The following REV3L variants were observed in gnomAD, a reference collection of about 807,000 sequenced individuals.
REV3L encodes DNA polymerase zeta catalytic subunit.
A neutral mutation model predicts 299.4 loss-of-function variants in REV3L; 69 were observed. That is an observed-to-expected ratio of 0.23 (90% CI 0.19 to 0.28). The LOEUF is 0.28. Ranked by LOEUF, REV3L falls within the 10% of genes least tolerant of loss-of-function variation. The probability of loss-of-function intolerance (pLI) is 1.00; values close to 1 mark genes in which losing one functional copy is unlikely to be tolerated. For synonymous variants in REV3L, 1,238 were observed against 1,271.4 expected (o/e 0.97, Z 0.56); for missense variants, 3,128 against 3,693.8 (o/e 0.85, Z 3.97).
chr6:111,430,261 G>C lies in REV3L; in HGVS notation c.140-13789C>G, dbSNP rs777222338. On this transcript the variant is annotated intron_variant, in intron 1 of 31. Transcript: ENST00000368802. ...TTCAAGAAGCTTTGAATCAACTGGCGAGACAATTGCAGAGAAAAGATCCAA... is the reference window on the plus strand; with the variant it reads ...TTCAAGAAGCTTTGAATCAACTGGCCAGACAATTGCAGAGAAAAGATCCAA... The C allele has an allele frequency of 6.4e-6, 6 of 940,060 alleles. No homozygotes were observed. The African/African-American group carries it at 9.7e-5, about 15-fold the overall frequency. The allele number at this position is 940,060 out of a possible 1,614,324, so 58.2% of individuals were successfully genotyped here.
chr6:111,460,097 C>A (rs1351636500), intron 1 of REV3L, among the ~76,000 whole-genome samples: 1 of 151,968 alleles, frequency 6.6e-6, no homozygotes. Flanking sequence ...ACAGAAAGAA[C>A]AAAATCATGT....
chr6:111,375,175 A>T lies in REV3L; in HGVS notation c.3180T>A (p.Gly1060=). 1 of 1,609,386 alleles carries T rather than the reference A, an allele frequency of 6.2e-7. No individual in the cohort carries two copies. The highest frequency in any genetic ancestry group is 8.5e-7 in the Non-Finnish European group (1 of 1,178,940). Residue 1060 remains glycine, a synonymous_variant, in exon 13 of 32, where the codon GGT becomes GGA. Transcript: ENST00000368802. ...SKHKSAKKKT[G]KQQRTNNENI... is the part of the protein sequence containing the mutation. The stretch of plus-strand genomic sequence containing the variant: ...TTTCATTATTTGTCCTTTGTTGTTT[A>T]CCAGTTTTTTTCTTAGCAGATTTAT...
intron 1 of REV3L, among the ~76,000 whole-genome samples, chr6:111,425,045 G>A (rs998582044): frequency 6.6e-6 from 1 of 152,182 alleles, no homozygotes; most frequent in Admixed American, 6.5e-5. Context: ...GCCTCTGGTT[G>A]ATCTTGAGGC....
At chr6:111,483,403 G>C (rs1794018635), upstream of REV3L, 1 of 440,696 alleles carries the variant, frequency 2.3e-6, no homozygotes, top group Admixed American at 4.5e-5. Flanking sequence ...GGAGGCGGCC[G>C]GCGGCCGGCA....
At chr6:111,309,123 T>G (rs1276778887) in intron 30 of REV3L, 6 of 152,336 alleles carry the variant, frequency 3.9e-5, no homozygotes, top group African/African-American at 1.2e-4. Context: ...TTACAGGGTA[T>G]TCTTTTAGTT....
rs879009371 is a variant in REV3L at position 111,483,137 on chromosome 6, C to T, written c.-249G>A. On this transcript the variant is annotated 5_prime_UTR_variant, in exon 1 of 32. Transcript: ENST00000368802. ...CGAGCTTTCGTCGGTGCTGGTGCTG[C>T]CGCCACTGCCGCCACCGCCGGGAAT... 1.0e-5 allele frequency: 5 copies of T among 489,226 alleles called. No individual in the cohort carries two copies. In the South Asian group the frequency reaches 1.8e-4, roughly 18 times the overall value. 30.3% of individuals were successfully genotyped at this position (489,226 alleles called of 1,614,324 possible).
At chr6:111,465,751 A>AAAG (rs1426826163) in intron 1 of REV3L, among the ~76,000 whole-genome samples, 1 of 150,742 alleles carries the variant, frequency 6.6e-6, no homozygotes, top group Non-Finnish European at 1.5e-5. Context: ...AAACCAAAAA[A>AAAG]AAAAAAAAAA....
intron 6 of REV3L, 56 bp downstream of exon 6, chr6:111,390,030 G>GT: frequency 1.7e-6 from 2 of 1,164,336 alleles, no homozygotes; most frequent in Non-Finnish European, 1.2e-6. Context: ...CACCACACCC[G>GT]CCGGTCATTA....
chr6:111,476,210 C>T lies in REV3L; in HGVS notation c.139+6540G>A, dbSNP rs528853670. On this transcript the variant is annotated intron_variant, in intron 1 of 31. Transcript: ENST00000368802. ...TTGCTCTGTCACCCAGGCTGGAATGCAGTCATACAATCATGGCTCACTGCA... is the reference window on the plus strand; with the variant it reads ...TTGCTCTGTCACCCAGGCTGGAATGTAGTCATACAATCATGGCTCACTGCA... Among the ~76,000 whole-genome samples the T allele has an allele frequency of 2.0e-5, 3 of 152,300 alleles. No individual in the cohort carries two copies. In the South Asian group the frequency reaches 6.2e-4, roughly 32 times the overall value.
rs530281910 is a variant in REV3L at position 111,332,590 on chromosome 6, C to T, written c.7925+533G>A. On this transcript the variant is annotated intron_variant, in intron 23 of 31. Coordinates refer to ENST00000368802, the MANE Select transcript of REV3L (RefSeq NM_001372078.1). Reference sequence around the variant, plus strand: ...TAAAACCAACACATGATCTCAAATACGCAAAAATCAATAAAAAGGAAGACT... The same window carrying T: ...TAAAACCAACACATGATCTCAAATATGCAAAAATCAATAAAAAGGAAGACT... 1.6e-4 allele frequency among the ~76,000 whole-genome samples: 24 copies of T among 151,910 alleles called. 1 individual carries two copies. Among genetic ancestry groups the T allele is most frequent in the Admixed American group, 9.2e-4 (14 of 15,252 alleles).
At chr6:111,330,118 A>G (rs1408954354) in intron 24 of REV3L, among the ~76,000 whole-genome samples, 2 of 152,088 alleles carry the variant, frequency 1.3e-5, no homozygotes, top group African/African-American at 4.8e-5. Context: ...CTCATAACCA[A>G]CTCAGTTTTT....
chr6:111,374,341 C>G lies in REV3L; in HGVS notation c.4014G>C (p.Arg1338Ser), dbSNP rs748917137. 8.1e-6 allele frequency: 13 copies of G among 1,613,834 alleles called. No homozygotes were observed. In the South Asian group the frequency reaches 1.3e-4, roughly 16 times the overall value. The change falls in exon 13 of 32, where the codon AGG (arginine) becomes AGC (serine). Residue 1338 changes from arginine to serine, a missense_variant. By Grantham distance (110) the Arg-to-Ser change is moderately radical. Transcript: ENST00000368802. ...GPGVSKINVQRPHNQSAMFTL... is the reference protein window; with the variant it reads ...GPGVSKINVQSPHNQSAMFTL... ...TAAACATAGCACTTTGATTATGAGG[C>G]CTTTGAACATTAATTTTTGAGACTC...
Position 111,392,896 on chromosome 6 carries a change from C to T in REV3L, c.642G>A (p.Trp214Ter). 1 of 1,610,196 alleles carries T rather than the reference C, an allele frequency of 6.2e-7. No individual in the cohort carries two copies. The highest frequency in any genetic ancestry group is 8.5e-7 in the Non-Finnish European group (1 of 1,176,800). Reference sequence around the variant, plus strand: ...CTAACCTTGGTATTTCATCTTGTTCCCACCGAAATAAAGTATCAGCAAGAG... The same window carrying T: ...CTAACCTTGGTATTTCATCTTGTTCTCACCGAAATAAAGTATCAGCAAGAG... Reference protein sequence around the residue: ...GNSLADTLFRWEQDEIPSSLI... With the variant: ...GNSLADTLFR Residue 214 changes from tryptophan to a stop codon, truncating the protein, a stop_gained, in exon 5 of 32, where the codon TGG becomes TGA. Transcript: ENST00000368802. LOFTEE classifies it high-confidence loss of function.
At position 111,432,777 on chromosome 6, in the gene REV3L, C is replaced by T. The variant is rs137953312; in HGVS notation, c.140-16305G>A. Among the ~76,000 whole-genome samples, 43 of 152,174 alleles carry T rather than the reference C, an allele frequency of 2.8e-4. 1 individual carries two copies. The East Asian group carries it at 7.9e-3, about 28-fold the overall frequency. On this transcript the variant is annotated intron_variant, in intron 1 of 31. Transcript: ENST00000368802. ...TTTCATCAGCATATGGAACATTCTC[C>T]GAAACAAATCATATCTGAGACAAAA...
intron 1 of REV3L, among the ~76,000 whole-genome samples, chr6:111,434,257 G>T (rs990722249): frequency 3.3e-5 from 5 of 152,066 alleles, no homozygotes; most frequent in African/African-American, 1.2e-4. Context: ...AATTAGCCTT[G>T]CTTGCAGATG....
intron 25 of REV3L, among the ~76,000 whole-genome samples, chr6:111,322,927 C>A (rs1252060848): frequency 1.3e-5 from 2 of 152,028 alleles, no homozygotes; most frequent in African/African-American, 4.8e-5. Flanking sequence ...AGTAAGTGGA[C>A]TGCACTTGTT....
At chr6:111,320,893 CACCT>C (rs1774090794) in intron 26 of REV3L, among the ~76,000 whole-genome samples, 1 of 151,618 alleles carries the variant, frequency 6.6e-6, no homozygotes, top group Non-Finnish European at 1.5e-5. Context: ...TCAAGCAATC[CACCT>C]GCCTTGGCCT....
At position 111,344,082 on chromosome 6, in the gene REV3L, C is replaced by T. The variant is rs775582538; in HGVS notation, c.7420-39G>A. 6.6e-6 allele frequency: 9 copies of T among 1,360,672 alleles called. No homozygotes were observed. The East Asian group carries it at 1.9e-4, about 28-fold the overall frequency. The allele number at this position is 1,360,672 out of a possible 1,614,324, so 84.3% of individuals were successfully genotyped here. Reference sequence around the variant, plus strand: ...CAAGACACCATTATAATAATGCTTACATTTATGTAGCAAATTTGGTTCTAA... The same window carrying T: ...CAAGACACCATTATAATAATGCTTATATTTATGTAGCAAATTTGGTTCTAA... On this transcript the variant is annotated intron_variant, in intron 20 of 31. Transcript: ENST00000368802.
At chr6:111,395,948 T>C (rs1221322930) in intron 4 of REV3L, among the ~76,000 whole-genome samples, 1 of 152,216 alleles carries the variant, frequency 6.6e-6, no homozygotes, top group Non-Finnish European at 1.5e-5. Flanking sequence ...GAGATGATCA[T>C]ATGGTTTTTG....
Sources: gnomAD v4.1 joint callset for allele counts (sites outside exome capture counted in the v4.1 genomes callset) on GRCh38, gnomAD v4.1.1 for gene constraint, MANE v1.5 for transcripts, NCBI Gene and HGNC (gene_info 2026-07-23, HGNC 2026-07-21) for gene names.